Variants in ZNF516 observed in about 807,000 individuals in gnomAD.
ZNF516 encodes the protein zinc finger protein 516.
Under a neutral mutation model 79.7 loss-of-function variants are expected in ZNF516, and 19 were observed. The observed-to-expected ratio is 0.24, with a 90% confidence interval of 0.17 to 0.35. The LOEUF is 0.35. ZNF516 is among the 10% of genes least tolerant of loss of function. The probability of loss-of-function intolerance (pLI) is 1.00; values close to 1 mark genes in which losing one functional copy is unlikely to be tolerated. For synonymous variants in ZNF516, 877 were observed against 739.5 expected (o/e 1.19, Z -3.02); for missense variants, 1,678 against 1,679.5 (o/e 1.00, Z 0.02).
chr18:76,419,971 G>A (rs1013363846), intron 3 of ZNF516, among the ~76,000 whole-genome samples: 3 of 152,246 alleles, frequency 2.0e-5, no homozygotes, highest in South Asian at 2.1e-4. Flanking sequence ...CATGTGGAGC[G>A]AGAGGCAGCC....
At chr18:76,423,837 ATG>A (rs2075547259) in intron 3 of ZNF516, among the ~76,000 whole-genome samples, 1 of 149,810 alleles carries the variant, frequency 6.7e-6, no homozygotes, top group Non-Finnish European at 1.5e-5. Flanking sequence ...CATGAAACAC[ATG>A]CAGGTGAAAA....
intron 1 of ZNF516, among the ~76,000 whole-genome samples, chr18:76,474,259 G>C (rs72983931): frequency 0.066 from 10,003 of 152,206 alleles, 412 homozygotes; most frequent in Non-Finnish European, 0.094. Context: ...TCTAATATAT[G>C]AGTATCACAC....
chr18:76,454,659 T>C (rs1422307140), intron 2 of ZNF516, among the ~76,000 whole-genome samples: 6 of 152,194 alleles, frequency 3.9e-5, no homozygotes. Context: ...CACATTTCCA[T>C]AGGATTTACC....
rs58648821 is a variant in ZNF516, at chr18:76,468,417, CT to C, written c.-271-5277del. ...TTTGTTTTAGGCTCATCATTAGTGTCTTTTTTTTTTTTTTTTTTTGAGACAG... is the reference window on the plus strand; with the variant it reads ...TTTGTTTTAGGCTCATCATTAGTGTCTTTTTTTTTTTTTTTTTTGAGACAG... On this transcript the variant is annotated intron_variant, in intron 1 of 6. Coordinates refer to ENST00000443185, the MANE Select transcript of ZNF516 (RefSeq NM_014643.4). 6.3e-3 allele frequency among the ~76,000 whole-genome samples: 809 copies of C among 127,422 alleles called. 1 individual carries two copies. The highest frequency in any genetic ancestry group is 0.031 in the Middle Eastern group (8 of 260). 83.6% of individuals were successfully genotyped at this position (127,422 alleles called of 152,430 possible).
At chr18:76,440,707 C>A (rs551271972) in intron 3 of ZNF516, among the ~76,000 whole-genome samples, 1 of 150,404 alleles carries the variant, frequency 6.6e-6, no homozygotes, top group Non-Finnish European at 1.5e-5. Context: ...AGTCTTCTAC[C>A]CAGCTGGAGT....
At chr18:76,437,432 C>G (rs1353810641) in intron 3 of ZNF516, among the ~76,000 whole-genome samples, 1 of 126,886 alleles carries the variant, frequency 7.9e-6, no homozygotes, top group Non-Finnish European at 1.7e-5. Context: ...ACCTTTCCTT[C>G]CCTTGACCAT....
intron 3 of ZNF516, among the ~76,000 whole-genome samples, chr18:76,427,097 G>A (rs2075604834): frequency 2.0e-5 from 3 of 152,226 alleles, no homozygotes; most frequent in Admixed American, 6.5e-5. Flanking sequence ...GCACAATGCC[G>A]GGAACACAGG....
At position 76,361,463 on chromosome 18, in the gene ZNF516, G is replaced by A. The variant is rs998976384; in HGVS notation, c.*1035C>T. 6.6e-6 allele frequency: 1 copy of A among 152,232 alleles called. No homozygotes were observed. The highest frequency in any genetic ancestry group is 2.4e-5 in the African/African-American group (1 of 41,428). 9.4% of individuals were successfully genotyped at this position (152,232 alleles called of 1,614,324 possible). A position where few individuals can be genotyped will look rare whatever the true frequency, so the allele number is the denominator to read the frequency against. ...TCCTGTGGAGGTCACCAGGCCCAGG[G>A]AGAAAAGACACCCACTTGCTGGGGT... On this transcript the variant is annotated 3_prime_UTR_variant, in exon 7 of 7. Transcript: ENST00000443185.
At chr18:76,411,999 G>A (rs940710510) in intron 3 of ZNF516, among the ~76,000 whole-genome samples, 2 of 152,186 alleles carry the variant, frequency 1.3e-5, no homozygotes, top group Non-Finnish European at 2.9e-5. Context: ...AACCCGAGAT[G>A]ATCCCAGATC....
chr18:76,446,582 T>C (rs1230914726), intron 2 of ZNF516, among the ~76,000 whole-genome samples: 2 of 152,194 alleles, frequency 1.3e-5, no homozygotes, highest in Non-Finnish European at 2.9e-5. Flanking sequence ...CCGCCCTAGC[T>C]AGAGCCTGAA....
chr18:76,457,934 T>C (rs1186239999), intron 2 of ZNF516, among the ~76,000 whole-genome samples: 2 of 152,220 alleles, frequency 1.3e-5, no homozygotes, highest in African/African-American at 4.8e-5. Context: ...AAATACTCTT[T>C]TACTTCTGCA....
chr18:76,494,731 G>C (rs995630120), intron 1 of ZNF516, among the ~76,000 whole-genome samples: 2 of 151,832 alleles, frequency 1.3e-5, no homozygotes, highest in African/African-American at 4.8e-5. Flanking sequence ...TTTAAAGTAA[G>C]GCAATTTGCT....
At chr18:76,490,875 G>A (rs915767125) in intron 1 of ZNF516, 2 of 985,358 alleles carry the variant, frequency 2.0e-6, no homozygotes, top group African/African-American at 1.7e-5. Flanking sequence ...CAACGCCCAC[G>A]GGCACATCTG....
chr18:76,379,358 G>A lies in ZNF516; in HGVS notation c.2756C>T (p.Ala919Val), dbSNP rs2074848154. The change falls in exon 4 of 7, where the codon GCC (alanine) becomes GTC (valine). Residue 919 changes from alanine (A) to valine (V), a missense_variant. This residue lies in a region of ZNF516 where 1,294 missense variants were observed against 1,248.3 expected (regional missense o/e 1.04). Coordinates refer to ENST00000443185, the MANE Select transcript of ZNF516 (RefSeq NM_014643.4). ...CCTGCTGAAGCCCCCGCCACCCGGG[G>A]CAGGCACCGGTTTGGAGCTAGCCTC... ...RQEASSKPVP[A>V]PGGGGFSRSA... 4.4e-6 allele frequency: 7 copies of A among 1,594,100 alleles called. No individual in the cohort carries two copies. The highest frequency in any genetic ancestry group is 2.2e-5 in the East Asian group (1 of 44,646).
At chr18:76,461,822 A>C (rs2145675639) in intron 2 of ZNF516, among the ~76,000 whole-genome samples, 1 of 152,330 alleles carries the variant, frequency 6.6e-6, no homozygotes, top group Middle Eastern at 3.4e-3. Context: ...TCAGATGGTC[A>C]ACAGGTATCC....
intron 1 of ZNF516, chr18:76,490,643 C>G (rs956828782): frequency 2.4e-6 from 1 of 416,548 alleles, no homozygotes; most frequent in Admixed American, 6.4e-5. Flanking sequence ...TACTCCATAG[C>G]CCCATGGTGA....
intron 1 of ZNF516, among the ~76,000 whole-genome samples, chr18:76,479,552 G>T (rs542457366): frequency 6.6e-6 from 1 of 152,182 alleles, no homozygotes; most frequent in African/African-American, 2.4e-5. Flanking sequence ...GAGGGAAGAC[G>T]CACAGGCGTT....
At chr18:76,487,966 C>T (rs1914927721) in intron 1 of ZNF516, 1 of 985,298 alleles carries the variant, frequency 1.0e-6, no homozygotes, top group Non-Finnish European at 1.2e-6. Context: ...CTCATGCCAC[C>T]AGTTAGCGAC....
intron 3 of ZNF516, among the ~76,000 whole-genome samples, chr18:76,422,801 G>A (rs1252642829): frequency 1.3e-5 from 2 of 152,200 alleles, no homozygotes; most frequent in South Asian, 2.1e-4. Flanking sequence ...GGCAGAACAG[G>A]TTAGAAAGAA....
Sources: allele counts gnomAD v4.1 joint callset (sites outside exome capture counted in the v4.1 genomes callset), GRCh38; gene constraint gnomAD v4.1.1; regional missense constraint gnomAD v4.1.1; transcripts MANE v1.5; gene names NCBI Gene and HGNC (gene_info 2026-07-23, HGNC 2026-07-21).